MAML3: variants seen among roughly 807,000 people sequenced by gnomAD.
MAML3 encodes mastermind-like protein 3.
A neutral mutation model predicts 101.9 loss-of-function variants in MAML3; 27 were observed. The ratio of observed to expected loss-of-function variants is 0.27; its 90% confidence interval spans 0.20 to 0.37. MAML3 has a LOEUF of 0.37. Among genes scored for constraint, MAML3 ranks in the 10% least tolerant of loss-of-function variants. The probability of loss-of-function intolerance (pLI) is 1.00; values close to 1 mark genes in which losing one functional copy is unlikely to be tolerated. For missense variants in MAML3, 1,316 were observed against 1,444.9 expected (o/e 0.91, Z 1.45); for synonymous variants, 501 against 555.9 (o/e 0.90, Z 1.39).
intron 1 of MAML3, among the ~76,000 whole-genome samples, chr4:140,146,774 T>TC (rs2111061538): frequency 6.6e-6 from 1 of 152,200 alleles, no homozygotes; most frequent in South Asian, 2.1e-4. Context: ...TCCTTAAAAA[T>TC]CATGGAAAGG....
chr4:140,050,245 T>C (rs1411353243), intron 1 of MAML3, among the ~76,000 whole-genome samples: 1 of 152,170 alleles, frequency 6.6e-6, no homozygotes, highest in Non-Finnish European at 1.5e-5. Context: ...CACCTACTTA[T>C]CCATCCCAAC....
chr4:140,146,503 G>C (rs1047356922), intron 1 of MAML3, among the ~76,000 whole-genome samples: 2 of 151,928 alleles, frequency 1.3e-5, no homozygotes, highest in African/African-American at 4.8e-5. Context: ...AACTTTCTTA[G>C]ATTTAAACAA....
chr4:139,815,935 T>G (rs1032505246), intron 2 of MAML3, among the ~76,000 whole-genome samples: 1 of 152,076 alleles, frequency 6.6e-6, no homozygotes, highest in Admixed American at 6.6e-5. Flanking sequence ...TGAACCCTTG[T>G]GCTACCAGGA....
At chr4:139,981,867 A>G (rs985170562) in intron 1 of MAML3, among the ~76,000 whole-genome samples, 6 of 152,216 alleles carry the variant, frequency 3.9e-5, no homozygotes, top group African/African-American at 1.4e-4. Context: ...CCACAGAGAT[A>G]AAGTGCCATT....
chr4:140,051,121 C>G (rs748585616), intron 1 of MAML3, among the ~76,000 whole-genome samples: 2 of 152,170 alleles, frequency 1.3e-5, no homozygotes, highest in East Asian at 1.9e-4. Flanking sequence ...AAAAATTCCT[C>G]TATGTTGAGG....
At chr4:139,756,930 G>A (rs1205206922) in intron 2 of MAML3, among the ~76,000 whole-genome samples, 1 of 152,144 alleles carries the variant, frequency 6.6e-6, no homozygotes, top group Non-Finnish European at 1.5e-5. Flanking sequence ...TCTCCCGCCA[G>A]TACAGCAGCT....
intron 2 of MAML3, among the ~76,000 whole-genome samples, chr4:139,804,742 CTATT>C (rs1367238901): frequency 7.2e-4 from 110 of 152,302 alleles, no homozygotes; most frequent in African/African-American, 2.2e-3. Flanking sequence ...TAGTAGGACA[CTATT>C]TACATTTGTA....
chr4:139,744,022 A>C (rs1729241291), intron 2 of MAML3, among the ~76,000 whole-genome samples: 1 of 152,222 alleles, frequency 6.6e-6, no homozygotes, highest in Non-Finnish European at 1.5e-5. Context: ...GCAGGGTCCC[A>C]GTCACTCTTA....
intron 1 of MAML3, among the ~76,000 whole-genome samples, chr4:140,026,860 G>A (rs1158126964): frequency 6.6e-6 from 1 of 152,018 alleles, no homozygotes. Context: ...GTAAAGTTTT[G>A]TAAATTTTCC....
intron 1 of MAML3, among the ~76,000 whole-genome samples, chr4:139,973,048 GA>G (rs1392689468): frequency 2.6e-5 from 4 of 152,270 alleles, no homozygotes; most frequent in Middle Eastern, 3.4e-3. Context: ...TTTTATCTTG[GA>G]TTTGTGACCA....
chr4:139,901,902 T>C (rs1732728972), intron 1 of MAML3, among the ~76,000 whole-genome samples: 1 of 152,192 alleles, frequency 6.6e-6, no homozygotes, highest in Non-Finnish European at 1.5e-5. Flanking sequence ...TCATTTTTGT[T>C]TTCAGCCCTT....
intron 1 of MAML3, among the ~76,000 whole-genome samples, chr4:139,986,875 G>A (rs1734549171): frequency 6.6e-6 from 1 of 152,206 alleles, no homozygotes; most frequent in Non-Finnish European, 1.5e-5. Flanking sequence ...GGTCTCAGGA[G>A]ATGAGGAACA....
intron 2 of MAML3, among the ~76,000 whole-genome samples, chr4:139,747,460 G>T (rs573343766): frequency 3.2e-4 from 48 of 152,226 alleles, no homozygotes; most frequent in African/African-American, 1.1e-3. Flanking sequence ...TTGGGAGGCC[G>T]AGGCAGGTGG....
At chr4:139,863,188 C>A (rs371350200) in intron 2 of MAML3, among the ~76,000 whole-genome samples, 2 of 149,584 alleles carry the variant, frequency 1.3e-5, no homozygotes, top group South Asian at 4.3e-4. Context: ...ACCTTCATTA[C>A]AGGGTTGCTG....
At chr4:139,954,904 A>C (rs1733891014) in intron 1 of MAML3, among the ~76,000 whole-genome samples, 1 of 152,178 alleles carries the variant, frequency 6.6e-6, no homozygotes, top group South Asian at 2.1e-4. Context: ...TGTATCGATA[A>C]AAATTTTTAA....
chr4:139,976,013 CTTCAG>C (rs1385290546), intron 1 of MAML3, among the ~76,000 whole-genome samples: 1 of 152,164 alleles, frequency 6.6e-6, no homozygotes, highest in African/African-American at 2.4e-5. Flanking sequence ...TCAGATTTAA[CTTCAG>C]TTGTTTCCAA....
chr4:139,987,436 G>A (rs72933755), intron 1 of MAML3, among the ~76,000 whole-genome samples: 3,151 of 152,288 alleles, frequency 0.021, 103 homozygotes, highest in African/African-American at 0.072. Flanking sequence ...TGGTGGGAAC[G>A]CCGTGCGTCA....
intron 2 of MAML3, among the ~76,000 whole-genome samples, chr4:139,854,955 T>C (rs1455200824): frequency 6.6e-6 from 1 of 152,174 alleles, no homozygotes; most frequent in Non-Finnish European, 1.5e-5. Flanking sequence ...ACAGCCTCCT[T>C]CTATTTCCTA....
intron 2 of MAML3, among the ~76,000 whole-genome samples, chr4:139,865,021 G>T (rs529053437): frequency 1.8e-5 from 2 of 113,804 alleles, no homozygotes; most frequent in African/African-American, 6.7e-5. Flanking sequence ...ATAAAACAAA[G>T]AATTTGTGAA....
Sources: allele counts gnomAD v4.1 joint callset (sites outside exome capture counted in the v4.1 genomes callset), GRCh38; gene constraint gnomAD v4.1.1; transcripts MANE v1.5; gene names NCBI Gene and HGNC (gene_info 2026-07-23, HGNC 2026-07-21).